Variants in C13orf46 observed in about 807,000 individuals in gnomAD.
C13orf46 encodes chromosome 13 open reading frame 46, also known as uncharacterized protein C13orf46.
Position 113,965,797 on chromosome 13 carries a change from G to A in C13orf46, c.505-803C>T, listed in dbSNP as rs1196338551. 5.6e-3 allele frequency among the ~76,000 whole-genome samples: 800 copies of A among 143,688 alleles called. 12 individuals are homozygous for A. The highest frequency in any genetic ancestry group is 0.02 in the African/African-American group (731 of 35,936). 94.3% of individuals were successfully genotyped at this position (143,688 alleles called of 152,430 possible). A position where few individuals can be genotyped will look rare whatever the true frequency, so the allele number is the denominator to read the frequency against. The stretch of plus-strand genomic sequence containing the variant: ...GATGGTGATGATGGTAATTATAATG[G>A]TGGTGATGATGGTGAAGGTGATGAT... On this transcript the variant is annotated intron_variant, in intron 5 of 6. Transcript: ENST00000636427.
At chr13:113,934,618 C>T in the C13orf46 span, among the ~76,000 whole-genome samples, 18 of 152,382 alleles carry the variant, frequency 1.2e-4, no homozygotes, top group African/African-American at 4.1e-4. Flanking sequence ...TACGGTGAAT[C>T]GAACTGCCCT....
At chr13:113,958,431 G>A (rs965222132) in intron 6 of C13orf46, among the ~76,000 whole-genome samples, 326 of 152,318 alleles carry the variant, frequency 2.1e-3, no homozygotes, top group Middle Eastern at 0.014. Flanking sequence ...CCCTGCCTCC[G>A]TCCCCACCTG....
the C13orf46 span, among the ~76,000 whole-genome samples, chr13:113,935,849 G>T: frequency 6.6e-6 from 1 of 152,244 alleles, no homozygotes; most frequent in African/African-American, 2.4e-5. Context: ...GCCCCCAGGG[G>T]CCATGCTTGG....
chr13:113,927,685 A>G, the C13orf46 span: 9 of 398,598 alleles, frequency 2.3e-5, no homozygotes, highest in African/African-American at 1.6e-4. Flanking sequence ...TGACTAAGTT[A>G]GAAGCTTTGG....
rs1166374938 is a variant in C13orf46, at chr13:113,956,040, A to G, written c.*733T>C. On this transcript the variant is annotated 3_prime_UTR_variant, in exon 7 of 7. Coordinates refer to ENST00000636427, the MANE Select transcript of C13orf46 (RefSeq NM_001365455.2). ...GCGGAGAGGAGGAGTAGGATCTGGC[A>G]GAGAGGAGTAGGATCTGGCGGAGAG... 0.66 allele frequency: 87,417 copies of G among 131,626 alleles called. 28,023 individuals are homozygous for G. The highest frequency in any genetic ancestry group is 0.73 in the Non-Finnish European group (47,177 of 64,844). The allele number at this position is 131,626 out of a possible 1,614,324, so 8.2% of individuals were successfully genotyped here.
the C13orf46 span, among the ~76,000 whole-genome samples, chr13:113,937,813 C>G: frequency 1.3e-4 from 20 of 152,196 alleles, 1 homozygote; most frequent in African/African-American, 4.8e-4. Flanking sequence ...ACGGAATGCA[C>G]AATTTACAGG....
At chr13:113,952,600 G>A (rs1364257617), downstream of C13orf46, among the ~76,000 whole-genome samples, 4 of 152,346 alleles carry the variant, frequency 2.6e-5, no homozygotes, top group East Asian at 3.9e-4. Flanking sequence ...CTGGGGCAAC[G>A]GGGGCCACCA....
the C13orf46 span, among the ~76,000 whole-genome samples, chr13:113,937,511 T>C: frequency 1.3e-5 from 2 of 152,172 alleles, no homozygotes; most frequent in South Asian, 2.1e-4. Context: ...CTCAGTAGCG[T>C]TGTAAACCAA....
At chr13:113,971,485 A>T (rs1198472662) in intron 1 of C13orf46, among the ~76,000 whole-genome samples, 4 of 152,220 alleles carry the variant, frequency 2.6e-5, no homozygotes, top group Non-Finnish European at 1.5e-5. Flanking sequence ...TCCAGGGTGC[A>T]TGTGGGCTCA....
chr13:113,951,732 C>A (rs1346359291), downstream of C13orf46, among the ~76,000 whole-genome samples: 2 of 152,256 alleles, frequency 1.3e-5, no homozygotes, highest in Non-Finnish European at 1.5e-5. Flanking sequence ...GGCCATGGCG[C>A]TGCGGCCCTC....
In C13orf46 at chr13:113,971,101, G is replaced by A. The variant is rs1045543998; in HGVS notation, c.191-879C>T. Reference sequence around the variant, plus strand: ...TGCTCAGGAGAGCCTTGGAGTGAGCGGATTCCAGATCCCACAGGGCCTCCA... The same window carrying A: ...TGCTCAGGAGAGCCTTGGAGTGAGCAGATTCCAGATCCCACAGGGCCTCCA... On this transcript the variant is annotated intron_variant, in intron 1 of 6. Transcript: ENST00000636427. Among the ~76,000 whole-genome samples the A allele has an allele frequency of 5.3e-5, 8 of 152,222 alleles. No homozygotes were observed. In the East Asian group the frequency reaches 7.7e-4, roughly 15 times the overall value.
At chr13:113,951,735 C>T (rs1297394680), downstream of C13orf46, among the ~76,000 whole-genome samples, 2 of 152,244 alleles carry the variant, frequency 1.3e-5, no homozygotes, top group Non-Finnish European at 2.9e-5. Flanking sequence ...CATGGCGCTG[C>T]GGCCCTCCCA....
intron 5 of C13orf46, among the ~76,000 whole-genome samples, chr13:113,965,369 G>A (rs937954714): frequency 1.3e-5 from 2 of 152,236 alleles, no homozygotes; most frequent in African/African-American, 4.8e-5. Context: ...CTGACCCCCA[G>A]GAAGGAGCTT....
At chr13:113,948,405 G>A in the C13orf46 span, among the ~76,000 whole-genome samples, 4 of 152,174 alleles carry the variant, frequency 2.6e-5, no homozygotes, top group Non-Finnish European at 4.4e-5. Context: ...ACATATACTC[G>A]GAAAGCTACA....
intron 1 of C13orf46, among the ~76,000 whole-genome samples, chr13:113,973,271 G>C (rs2052727783): frequency 6.6e-6 from 1 of 152,168 alleles, no homozygotes; most frequent in Non-Finnish European, 1.5e-5. Flanking sequence ...GTTTCACGCT[G>C]GGAATGCACG....
At chr13:113,932,949 C>T in the C13orf46 span, among the ~76,000 whole-genome samples, 2 of 152,266 alleles carry the variant, frequency 1.3e-5, no homozygotes, top group Admixed American at 6.5e-5. Flanking sequence ...TCTGTAACCT[C>T]CACTTCCCAG....
intron 6 of C13orf46, among the ~76,000 whole-genome samples, chr13:113,958,140 T>C (rs1349868305): frequency 6.8e-6 from 1 of 147,278 alleles, no homozygotes; most frequent in Non-Finnish European, 1.5e-5. Flanking sequence ...ATGCACCCCC[T>C]TTCATCAAGC....
At chr13:113,945,342 G>A in the C13orf46 span, among the ~76,000 whole-genome samples, 1 of 151,970 alleles carries the variant, frequency 6.6e-6, no homozygotes, top group Non-Finnish European at 1.5e-5. Context: ...TCAGGAGATA[G>A]AGACCATCCT....
chr13:113,943,609 G>A, the C13orf46 span, among the ~76,000 whole-genome samples: 1 of 152,214 alleles, frequency 6.6e-6, no homozygotes, highest in Non-Finnish European at 1.5e-5. Flanking sequence ...AACGAGGCAT[G>A]TCTGACCCCC....
Sources: allele counts gnomAD v4.1 joint callset (sites outside exome capture counted in the v4.1 genomes callset), GRCh38; gene constraint gnomAD v4.1.1; transcripts MANE v1.5; gene names NCBI Gene and HGNC (gene_info 2026-07-23, HGNC 2026-07-21).